ESR1: variants seen among roughly 807,000 people sequenced by gnomAD.
ESR1 encodes the protein estrogen receptor.
Under a neutral mutation model 52.7 loss-of-function variants are expected in ESR1, and 12 were observed. The observed-to-expected ratio is 0.23, with a 90% CI of 0.15 to 0.37. The LOEUF (loss-of-function observed/expected upper bound fraction) is 0.37, where lower values mean the gene tolerates loss of function less well. Among genes scored for constraint, ESR1 ranks in the 10% least tolerant of loss-of-function variants. ESR1 has a pLI of 1.00. For synonymous variants in ESR1, 305 were observed against 316.8 expected, an observed-to-expected ratio of 0.96 and a Z score of 0.39; for missense variants, 584 against 779.7, an observed-to-expected ratio of 0.75 and a Z score of 2.99.
chr6:151,861,200 C>G (rs1005873909), intron 2 of ESR1, among the ~76,000 whole-genome samples: 5 of 152,118 alleles, frequency 3.3e-5, no homozygotes, highest in Non-Finnish European at 5.9e-5. Flanking sequence ...CCTGCTATGT[C>G]TCTTTCCATG....
At chr6:151,883,119 C>T (rs1793226001) in intron 3 of ESR1, among the ~76,000 whole-genome samples, 1 of 151,746 alleles carries the variant, frequency 6.6e-6, no homozygotes, top group Non-Finnish European at 1.5e-5. Context: ...CTAGTGAGCC[C>T]TCCCTTTTTT....
At chr6:151,672,660 A>G (rs185945438) in intron 1 of ESR1, among the ~76,000 whole-genome samples, 438 of 144,984 alleles carry the variant, frequency 3.0e-3, no homozygotes, top group Non-Finnish European at 5.1e-3. Flanking sequence ...TTTAATAGAG[A>G]CGAGGTTTCA....
intron 2 of ESR1, among the ~76,000 whole-genome samples, chr6:151,740,285 A>ATT (rs386408967): frequency 0.4 from 43,161 of 107,816 alleles, 8,241 homozygotes; most frequent in Non-Finnish European, 0.46. Flanking sequence ...TGCCTGGCTA[A>ATT]TTTTTTTTTT....
chr6:152,071,728 C>T (rs1313267729), intron 6 of ESR1, among the ~76,000 whole-genome samples: 1 of 152,118 alleles, frequency 6.6e-6, no homozygotes, highest in Non-Finnish European at 1.5e-5. Flanking sequence ...TATAATCAGT[C>T]ATGATGATAC....
chr6:152,074,624 G>T (rs901143497), intron 6 of ESR1, among the ~76,000 whole-genome samples: 5 of 152,174 alleles, frequency 3.3e-5, no homozygotes, highest in Non-Finnish European at 1.5e-5. Context: ...GAGCACAATT[G>T]CTGGATTGTA....
rs566818604 is a variant in ESR1 at position 151,885,162 on chromosome 6, T to C, written c.760+4391T>C. ...ATAGTTATTTGTGTAGGGCTTCTTA[T>C]ATGCAAACCCTTGGGAATAAAGCAA... On this transcript the variant is annotated intron_variant, in intron 3 of 7. Coordinates refer to ENST00000206249, the MANE Select transcript of ESR1 (RefSeq NM_000125.4). Among the ~76,000 whole-genome samples, 4 of 152,296 alleles carry C rather than the reference T, an allele frequency of 2.6e-5. No homozygotes were observed. The South Asian group carries it at 8.3e-4, about 32-fold the overall frequency.
At chr6:152,068,304 A>T (rs1020675536) in intron 6 of ESR1, among the ~76,000 whole-genome samples, 29 of 152,252 alleles carry the variant, frequency 1.9e-4, no homozygotes, top group African/African-American at 6.8e-4. Context: ...TTAAAATATA[A>T]CTGCTAGATT....
chr6:151,698,699 G>A (rs1003961921), intron 1 of ESR1, among the ~76,000 whole-genome samples: 8 of 152,208 alleles, frequency 5.3e-5, no homozygotes, highest in South Asian at 2.1e-4. Context: ...GGGTAGAGTC[G>A]GGAGGGAAAA....
chr6:151,736,631 G>A (rs976512207), intron 2 of ESR1, among the ~76,000 whole-genome samples: 4 of 152,050 alleles, frequency 2.6e-5, no homozygotes, highest in Non-Finnish European at 5.9e-5. Flanking sequence ...CACCCACCTT[G>A]GCCTCCTAAA....
chr6:151,786,082 C>G (rs991605969), intron 2 of ESR1, among the ~76,000 whole-genome samples: 3 of 152,194 alleles, frequency 2.0e-5, no homozygotes, highest in Admixed American at 1.3e-4. Flanking sequence ...CTCCAAGGCC[C>G]TGCCCGCCCC....
chr6:151,722,301 ACAGC>A (rs945525910), intron 2 of ESR1, among the ~76,000 whole-genome samples: 1 of 152,204 alleles, frequency 6.6e-6, no homozygotes, highest in African/African-American at 2.4e-5. Context: ...TAGGTGAGAG[ACAGC>A]CATTAGAAGT....
At chr6:151,670,133 C>T (rs1777998841) in intron 1 of ESR1, among the ~76,000 whole-genome samples, 2 of 152,196 alleles carry the variant, frequency 1.3e-5, no homozygotes, top group African/African-American at 4.8e-5. Context: ...CTGCCATTTG[C>T]ACATCTTGCA....
intron 4 of ESR1, among the ~76,000 whole-genome samples, chr6:151,971,618 C>T (rs535209213): frequency 5.3e-5 from 8 of 152,124 alleles, no homozygotes; most frequent in African/African-American, 9.6e-5. Flanking sequence ...ATGATAATAG[C>T]GATACAACTT....
At chr6:151,859,892 A>G (rs984728921) in intron 2 of ESR1, among the ~76,000 whole-genome samples, 13 of 152,062 alleles carry the variant, frequency 8.5e-5, no homozygotes, top group African/African-American at 2.7e-4. Context: ...CATTTCCTCA[A>G]TTGTGAATGG....
intron 4 of ESR1, among the ~76,000 whole-genome samples, chr6:151,983,112 G>GACTATT: frequency 6.6e-6 from 1 of 152,050 alleles, no homozygotes. Flanking sequence ...GGTGGCCAGT[G>GACTATT]GCTATCATAT....
chr6:151,709,522 C>T lies in ESR1; in HGVS notation c.-71+7517C>T, dbSNP rs117577251. On this transcript the variant is annotated intron_variant, in intron 2 of 2. Coordinates refer to the ESR1 transcript ENST00000404742. ...CCAGTAGTGGGACTGCTGAGTCATT[C>T]GGTAATTGTATGATTACTGTTTTCC... is the stretch of plus-strand genomic sequence containing the variant. Among the ~76,000 whole-genome samples, 205 of 152,216 alleles carry T rather than the reference C, an allele frequency of 1.3e-3. 1 individual carries two copies. The highest frequency in any genetic ancestry group is 6.6e-3 in the East Asian group (34 of 5,176).
At chr6:151,781,825 G>T (rs551571694) in intron 2 of ESR1, among the ~76,000 whole-genome samples, 2 of 151,818 alleles carry the variant, frequency 1.3e-5, no homozygotes, top group African/African-American at 4.8e-5. Context: ...ACTACTTTCA[G>T]CATAGGCTAT....
At chr6:151,942,609 A>G (rs1293476956) in intron 3 of ESR1, among the ~76,000 whole-genome samples, 4 of 151,196 alleles carry the variant, frequency 2.6e-5, no homozygotes, top group African/African-American at 9.7e-5. Context: ...TGGCTTCTCT[A>G]TGTTTTTGAA....
chr6:152,115,938 C>T (rs1238375798), intron 6 of ESR1, among the ~76,000 whole-genome samples: 1 of 152,102 alleles, frequency 6.6e-6, no homozygotes, highest in East Asian at 1.9e-4. Context: ...CCCCAGCTAC[C>T]AATTTAATTG....
Sources: gnomAD v4.1 joint callset for allele counts (sites outside exome capture counted in the v4.1 genomes callset) on GRCh38, gnomAD v4.1.1 for gene constraint, MANE v1.5 for transcripts, NCBI Gene and HGNC (gene_info 2026-07-23, HGNC 2026-07-21) for gene names.